The following ZNF469 variants were observed in gnomAD, a reference collection of about 807,000 sequenced individuals.
The protein encoded by ZNF469 is zinc finger protein 469.
A neutral mutation model predicts 1.0 loss-of-function variants in ZNF469; 1 was observed. That is an observed-to-expected ratio of 1.00 (90% CI 0.35 to 4.73). The LOEUF (loss-of-function observed/expected upper bound fraction) is 4.73, where lower values mean the gene tolerates loss of function less well. Ranked by LOEUF, ZNF469 falls within the 30% of genes most tolerant of loss-of-function variation. The pLI, the probability that ZNF469 is intolerant of heterozygous loss-of-function variation, is 0.16. For synonymous variants in ZNF469, 2,703 were observed against 2,363.4 expected (o/e 1.14, Z -4.17); for missense variants, 6,100 against 5,356.3 (o/e 1.14, Z -4.33).
At chr16:88,266,846 A>G in the ZNF469 span, among the ~76,000 whole-genome samples, 2 of 152,208 alleles carry the variant, frequency 1.3e-5, no homozygotes, top group Non-Finnish European at 2.9e-5. Flanking sequence ...TCGTGCCCTG[A>G]GTACTTTTCC....
the ZNF469 span, among the ~76,000 whole-genome samples, chr16:88,375,957 G>A: frequency 6.6e-6 from 1 of 152,272 alleles, no homozygotes; most frequent in Non-Finnish European, 1.5e-5. Context: ...GCCATTTGGA[G>A]AGGAAAAGCT....
At chr16:88,105,065 T>A in the ZNF469 span, among the ~76,000 whole-genome samples, 709 of 152,128 alleles carry the variant, frequency 4.7e-3, 6 homozygotes, top group Middle Eastern at 0.024. Flanking sequence ...GAAACAATTT[T>A]AAAAAATTAG....
the ZNF469 span, among the ~76,000 whole-genome samples, chr16:88,285,934 G>A: frequency 6.6e-6 from 1 of 152,248 alleles, no homozygotes; most frequent in Admixed American, 6.5e-5. Context: ...GACTCCTGCT[G>A]ACCCTGTGAA....
In ZNF469 at chr16:88,433,092, G is replaced by A. The variant is rs1484304417; in HGVS notation, c.5622G>A (p.Trp1874Ter). The A allele has an allele frequency of 1.3e-6, 2 of 1,550,332 alleles. No individual in the cohort carries two copies. Among genetic ancestry groups the A allele is most frequent in the Non-Finnish European group, 8.7e-7 (1 of 1,146,956 alleles). The change falls in exon 3 of 3, where the codon TGG becomes TGA. Residue 1874 changes from tryptophan to a stop codon, truncating the protein, a stop_gained. Coordinates refer to ENST00000565624, the MANE Select transcript of ZNF469 (RefSeq NM_001367624.2). LOFTEE classifies it low-confidence loss of function (END_TRUNC). ...SLTAPRGREAWLVPVPSPACV... is the reference protein window; with the variant it reads ...SLTAPRGREA ...CTGCCCCCCGGGGCAGGGAGGCTTG[G>A]TTGGTCCCTGTGCCAAGTCCCGCCT...
chr16:88,128,509 A>G, the ZNF469 span, among the ~76,000 whole-genome samples: 2 of 152,072 alleles, frequency 1.3e-5, no homozygotes, highest in African/African-American at 2.4e-5. Flanking sequence ...AACACTTTAC[A>G]CTTTGCTTAG....
At chr16:88,416,243 C>T (rs563075568) in intron 1 of ZNF469, among the ~76,000 whole-genome samples, 5 of 152,276 alleles carry the variant, frequency 3.3e-5, no homozygotes, top group South Asian at 2.1e-4. Flanking sequence ...AGACCTCACT[C>T]GAGGTGGGAT....
At chr16:88,255,812 T>C in the ZNF469 span, among the ~76,000 whole-genome samples, 1 of 152,168 alleles carries the variant, frequency 6.6e-6, no homozygotes, top group East Asian at 1.9e-4. Context: ...CCTTAGGATG[T>C]TTCTGTGTGG....
chr16:88,372,044 C>T, the ZNF469 span, among the ~76,000 whole-genome samples: 2 of 128,260 alleles, frequency 1.6e-5, no homozygotes, highest in Admixed American at 7.9e-5. Flanking sequence ...ACTACCATTA[C>T]CATCACCATG....
chr16:88,169,714 G>A, the ZNF469 span, among the ~76,000 whole-genome samples: 37 of 152,292 alleles, frequency 2.4e-4, no homozygotes, highest in African/African-American at 8.2e-4. The surrounding 1 kb of genome is among the most constrained non-coding windows in gnomAD (Gnocchi z 6.1). Flanking sequence ...CTGCCCCTCC[G>A]TCCCAGCACC....
the ZNF469 span, among the ~76,000 whole-genome samples, chr16:88,192,706 G>GTGATAATGGTGGTGATGATGTGT: frequency 6.6e-6 from 1 of 150,792 alleles, no homozygotes; most frequent in African/African-American, 2.4e-5. Flanking sequence ...GGTGATAAAG[G>GTGATAATGGTGGTGATGATGTGT]TGATAATGGT....
the ZNF469 span, among the ~76,000 whole-genome samples, chr16:88,165,334 A>C: frequency 6.6e-6 from 1 of 152,224 alleles, no homozygotes. Context: ...GGCGCCTCCC[A>C]GTCCCTGTGC....
At chr16:88,217,404 G>C in the ZNF469 span, among the ~76,000 whole-genome samples, 1 of 152,132 alleles carries the variant, frequency 6.6e-6, no homozygotes, top group African/African-American at 2.4e-5. Context: ...GGGTCCTGAA[G>C]TCTAAACATT....
At chr16:88,333,658 G>A in the ZNF469 span, among the ~76,000 whole-genome samples, 4 of 152,352 alleles carry the variant, frequency 2.6e-5, no homozygotes, top group African/African-American at 7.2e-5. Flanking sequence ...GCAGGAGCAC[G>A]GAAGTCTTTG....
chr16:88,274,877 T>A, the ZNF469 span, among the ~76,000 whole-genome samples: 1 of 152,204 alleles, frequency 6.6e-6, no homozygotes, highest in East Asian at 1.9e-4. Flanking sequence ...CTGGCAAACA[T>A]TGCTTATGGG....
the ZNF469 span, among the ~76,000 whole-genome samples, chr16:88,256,011 G>C: frequency 4.1e-4 from 63 of 152,320 alleles, no homozygotes; most frequent in African/African-American, 1.4e-3. Context: ...GATTTAGGCC[G>C]TTTTTGATCA....
chr16:88,388,455 C>CA (rs1483998253), intron 1 of ZNF469, among the ~76,000 whole-genome samples: 1 of 136,480 alleles, frequency 7.3e-6, no homozygotes, highest in African/African-American at 2.5e-5. Context: ...CGTCCCTGAG[C>CA]GGGGTTTTCC....
rs146233624 is a variant in ZNF469, at chr16:88,439,931, C to G, written c.*599C>G. 617 of 162,122 alleles carry G rather than the reference C, an allele frequency of 3.8e-3. 4 individuals are homozygous for G. Among genetic ancestry groups the G allele is most frequent in the African/African-American group, 0.014 (583 of 41,612 alleles). 10.0% of individuals were successfully genotyped at this position (162,122 alleles called of 1,614,324 possible). ...TGCCTCCTCCCTCTGACCACAGGGTCATGCCAGCCTCCATTTGCTCTGCGG... is the reference window on the plus strand; with the variant it reads ...TGCCTCCTCCCTCTGACCACAGGGTGATGCCAGCCTCCATTTGCTCTGCGG... On this transcript the variant is annotated 3_prime_UTR_variant, in exon 3 of 3. Coordinates refer to ENST00000565624, the MANE Select transcript of ZNF469 (RefSeq NM_001367624.2).
the ZNF469 span, among the ~76,000 whole-genome samples, chr16:88,173,362 A>G: frequency 6.6e-6 from 1 of 152,244 alleles, no homozygotes; most frequent in Non-Finnish European, 1.5e-5. Context: ...CCTGCCAAGA[A>G]TGATTTTTTT....
In ZNF469 at chr16:88,430,783, C is replaced by T. The variant is rs1294468808; in HGVS notation, c.3313C>T (p.Pro1105Ser). Reference protein sequence around the residue: ...ASESEEDEQPPPRGPGFRGRR... With the variant: ...ASESEEDEQPSPRGPGFRGRR... ...GGAGTCCGAGGAGGACGAGCAGCCT[C>T]CGCCGCGGGGCCCCGGCTTCAGAGG... The change falls in exon 3 of 3, where the codon CCG becomes TCG. Residue 1105 changes from proline (P) to serine (S), a missense_variant. Transcript: ENST00000565624. 6.6e-7 allele frequency: 1 copy of T among 1,526,602 alleles called. No individual in the cohort carries two copies. The highest frequency in any genetic ancestry group is 1.2e-5 in the South Asian group (1 of 83,206). The allele number at this position is 1,526,602 out of a possible 1,614,324, so 94.6% of individuals were successfully genotyped here. A position where few individuals can be genotyped will look rare whatever the true frequency, so the allele number is the denominator to read the frequency against.
Sources: gnomAD v4.1 joint callset for allele counts (sites outside exome capture counted in the v4.1 genomes callset) on GRCh38, gnomAD v4.1.1 for gene constraint, Gnocchi (gnomAD v3.1) non-coding constraint, MANE v1.5 for transcripts, NCBI Gene and HGNC (gene_info 2026-07-23, HGNC 2026-07-21) for gene names.